Variants in KLRF1 observed in about 807,000 individuals in gnomAD.
KLRF1 encodes the protein killer cell lectin-like receptor subfamily F member 1.
KLRF1 carries 27 observed loss-of-function variants against 30.7 expected under a neutral mutation model. The ratio of observed to expected loss-of-function variants is 0.88; its 90% CI spans 0.65 to 1.21. The LOEUF is 1.21. Ranked by LOEUF, KLRF1 falls within the 50% of genes most tolerant of loss-of-function variation. The pLI is 0.00. For synonymous variants in KLRF1, 92 were observed against 89.3 expected (o/e 1.03, Z -0.17); for missense variants, 246 against 259.3 (o/e 0.95, Z 0.35).
chr12:9,815,960 A>G, the KLRF1 span, among the ~76,000 whole-genome samples: 1 of 152,208 alleles, frequency 6.6e-6, no homozygotes, highest in African/African-American at 2.4e-5. Context: ...CTGGGATTAC[A>G]GGCACACGCC....
the KLRF1 span, among the ~76,000 whole-genome samples, chr12:9,814,132 C>T: frequency 6.6e-6 from 1 of 152,140 alleles, no homozygotes; most frequent in Non-Finnish European, 1.5e-5. Flanking sequence ...CCCTGGCACT[C>T]TAGCCCCAAA....
upstream of KLRF1, among the ~76,000 whole-genome samples, chr12:9,823,491 A>G (rs1348288815): frequency 1.3e-5 from 2 of 152,168 alleles, no homozygotes; most frequent in African/African-American, 4.8e-5. Flanking sequence ...CTAAGGCAGT[A>G]TTAAGAGAAA....
chr12:9,842,497 C>G, intron 5 of KLRF1, 64 bp downstream of exon 5: 1 of 1,459,574 alleles, frequency 6.9e-7, no homozygotes, highest in Non-Finnish European at 9.4e-7. Flanking sequence ...CCTCCAGGTT[C>G]ACCAAATTCA....
At chr12:9,801,665 A>G in the KLRF1 span, among the ~76,000 whole-genome samples, 1 of 152,060 alleles carries the variant, frequency 6.6e-6, no homozygotes, top group African/African-American at 2.4e-5. Flanking sequence ...GTGTCTGTTC[A>G]TATCCTTTGC....
At chr12:9,811,669 G>A in the KLRF1 span, among the ~76,000 whole-genome samples, 1 of 152,184 alleles carries the variant, frequency 6.6e-6, no homozygotes, top group Non-Finnish European at 1.5e-5. Context: ...CACAAAGGAA[G>A]GAAAGGAGAA....
chr12:9,809,183 C>T, the KLRF1 span, among the ~76,000 whole-genome samples: 2 of 151,966 alleles, frequency 1.3e-5, no homozygotes, highest in Non-Finnish European at 2.9e-5. Flanking sequence ...GAAGAATTGC[C>T]TTTATTTGTA....
intron 3 of KLRF1, among the ~76,000 whole-genome samples, chr12:9,834,123 G>A (rs1242967645): frequency 1.3e-5 from 2 of 148,300 alleles, no homozygotes; most frequent in Admixed American, 1.3e-4. Flanking sequence ...TTTGAGCCAC[G>A]ATGAGCCAGG....
chr12:9,833,032 G>A (rs1460472100), intron 2 of KLRF1, among the ~76,000 whole-genome samples: 1 of 152,124 alleles, frequency 6.6e-6, no homozygotes, highest in African/African-American at 2.4e-5. Flanking sequence ...ACTTCCCAGA[G>A]CAGAAACTTG....
At chr12:9,810,024 C>T in the KLRF1 span, among the ~76,000 whole-genome samples, 1 of 152,106 alleles carries the variant, frequency 6.6e-6, no homozygotes, top group African/African-American at 2.4e-5. Flanking sequence ...TCCTAAATTT[C>T]ATCATTAAAT....
At chr12:9,815,542 G>A in the KLRF1 span, among the ~76,000 whole-genome samples, 9 of 152,178 alleles carry the variant, frequency 5.9e-5, no homozygotes, top group Non-Finnish European at 1.2e-4. Flanking sequence ...AGCTTGCTAC[G>A]CACTCCATCT....
At chr12:9,811,583 T>G in the KLRF1 span, among the ~76,000 whole-genome samples, 1 of 152,094 alleles carries the variant, frequency 6.6e-6, no homozygotes, top group Admixed American at 6.5e-5. Flanking sequence ...AGTGTTAAAT[T>G]AGATAAAAGT....
intron 3 of KLRF1, among the ~76,000 whole-genome samples, chr12:9,837,908 G>A (rs1038900173): frequency 6.6e-6 from 1 of 152,088 alleles, no homozygotes; most frequent in African/African-American, 2.4e-5. Flanking sequence ...TGATAGCAAG[G>A]CCACCTCTTT....
chr12:9,822,733 A>G (rs544673864), upstream of KLRF1, among the ~76,000 whole-genome samples: 1 of 152,288 alleles, frequency 6.6e-6, no homozygotes, highest in African/African-American at 2.4e-5. Context: ...ACCATCTCAC[A>G]CACAATGACA....
chr12:9,814,264 T>C, the KLRF1 span, among the ~76,000 whole-genome samples: 3 of 152,130 alleles, frequency 2.0e-5, no homozygotes, highest in Non-Finnish European at 4.4e-5. Context: ...TCGCTGCCAC[T>C]GACAGCCACC....
At chr12:9,809,855 G>A in the KLRF1 span, among the ~76,000 whole-genome samples, 1 of 151,918 alleles carries the variant, frequency 6.6e-6, no homozygotes, top group South Asian at 2.1e-4. Context: ...TAAAACTACT[G>A]TTTTGAAAAT....
chr12:9,820,793 T>TA, the KLRF1 span, among the ~76,000 whole-genome samples: 1 of 152,132 alleles, frequency 6.6e-6, no homozygotes, highest in African/African-American at 2.4e-5. Flanking sequence ...CGGTGCTGCC[T>TA]AATGGCCGTT....
the KLRF1 span, among the ~76,000 whole-genome samples, chr12:9,822,410 A>C: frequency 1.3e-5 from 2 of 152,250 alleles, no homozygotes; most frequent in African/African-American, 4.8e-5. Context: ...CAAGCTGAAG[A>C]ACTTGAAGAC....
At position 9,827,533 on chromosome 12, in the gene KLRF1, C is replaced by T; in HGVS notation, c.-12C>T. ...ACATACCTGTATACACACACATTCA[C>T]TCACATTGAAGATGCAAGATGAAGA... On this transcript the variant is annotated 5_prime_UTR_variant, in exon 1 of 6. Transcript: ENST00000617889. 2 of 1,538,168 alleles carry T rather than the reference C, an allele frequency of 1.3e-6. No individual in the cohort carries two copies. The highest frequency in any genetic ancestry group is 1.8e-6 in the Non-Finnish European group (2 of 1,115,164).
At chr12:9,829,779 A>T (rs1216646045) in intron 1 of KLRF1, among the ~76,000 whole-genome samples, 1 of 152,240 alleles carries the variant, frequency 6.6e-6, no homozygotes, top group African/African-American at 2.4e-5. Context: ...ATAAGAATTT[A>T]AAAAGTTTAA....
Sources: allele counts gnomAD v4.1 joint callset (sites outside exome capture counted in the v4.1 genomes callset), GRCh38; gene constraint gnomAD v4.1.1; transcripts MANE v1.5; gene names NCBI Gene and HGNC (gene_info 2026-07-23, HGNC 2026-07-21).